The following MPHOSPH8 variants were observed in gnomAD, a reference collection of about 807,000 sequenced individuals.
The protein encoded by MPHOSPH8 is M-phase phosphoprotein, mpp.
A neutral mutation model predicts 87.3 loss-of-function variants in MPHOSPH8; 45 were observed. The observed-to-expected ratio is 0.52, with a 90% confidence interval of 0.41 to 0.66. The LOEUF (loss-of-function observed/expected upper bound fraction) is 0.66. MPHOSPH8 is among the 30% of genes least tolerant of loss of function. The probability of loss-of-function intolerance (pLI) is 0.00; values close to 1 mark genes in which losing one functional copy is unlikely to be tolerated. For synonymous variants in MPHOSPH8, 366 were observed against 376.9 expected (o/e 0.97, Z 0.33); for missense variants, 883 against 1,020.2 (o/e 0.87, Z 1.83).
intron 5 of MPHOSPH8, among the ~76,000 whole-genome samples, chr13:19,655,389 G>A (rs994045963): frequency 1.3e-5 from 2 of 152,104 alleles, no homozygotes; most frequent in Admixed American, 1.3e-4. Context: ...GACCACTTGA[G>A]CCCGGAAGTT....
chr13:19,635,735 C>G lies in MPHOSPH8; in HGVS notation c.213+1774C>G, dbSNP rs116534439. 9.5e-3 allele frequency among the ~76,000 whole-genome samples: 1,440 copies of G among 152,234 alleles called. 21 individuals are homozygous for G. The highest frequency in any genetic ancestry group is 0.033 in the African/African-American group (1,373 of 41,522). ...TTGTGAGTTAAAATTCAAGTTCTTG[C>G]ATTTTTAGGTGCTCTTGTGAAGGAG... On this transcript the variant is annotated intron_variant, in intron 1 of 13. Coordinates refer to ENST00000361479, the MANE Select transcript of MPHOSPH8 (RefSeq NM_017520.4).
chr13:19,635,921 G>A (rs1873982742), intron 1 of MPHOSPH8, among the ~76,000 whole-genome samples: 1 of 152,162 alleles, frequency 6.6e-6, no homozygotes, highest in Admixed American at 6.5e-5. Flanking sequence ...TAGTGAGTGA[G>A]TCTCAATCTG....
chr13:19,647,800 A>G (rs1874646622), intron 3 of MPHOSPH8, among the ~76,000 whole-genome samples: 1 of 152,176 alleles, frequency 6.6e-6, no homozygotes, highest in Non-Finnish European at 1.5e-5. Flanking sequence ...TATATATGCA[A>G]TATTTATCAA....
At chr13:19,635,010 C>T (rs896830953) in intron 1 of MPHOSPH8, among the ~76,000 whole-genome samples, 1 of 152,168 alleles carries the variant, frequency 6.6e-6, no homozygotes, top group East Asian at 1.9e-4. Flanking sequence ...TTGAAGCATA[C>T]ACAGTTGCTA....
At chr13:19,645,142 G>A (rs1874499322) in intron 2 of MPHOSPH8, among the ~76,000 whole-genome samples, 2 of 152,088 alleles carry the variant, frequency 1.3e-5, no homozygotes, top group South Asian at 2.1e-4. Flanking sequence ...CCCCTTCTCC[G>A]CCTTGCCCAG....
At chr13:19,663,557 G>A (rs977798275) in intron 9 of MPHOSPH8, among the ~76,000 whole-genome samples, 7 of 152,188 alleles carry the variant, frequency 4.6e-5, no homozygotes, top group Admixed American at 3.9e-4. Flanking sequence ...CTGTGTGTTC[G>A]TCATTTTATG....
At chr13:19,662,366 C>G (rs531243213) in intron 8 of MPHOSPH8, among the ~76,000 whole-genome samples, 5 of 152,186 alleles carry the variant, frequency 3.3e-5, no homozygotes, top group African/African-American at 1.2e-4. Context: ...CTCAAGCAAT[C>G]CTCTCGCCTC....
At chr13:19,670,845 G>C in intron 12 of MPHOSPH8, 1 of 1,151,822 alleles carries the variant, frequency 8.7e-7, no homozygotes, top group Non-Finnish European at 1.1e-6. Context: ...TGAAGACAGG[G>C]TCTCGCTCTG....
At chr13:19,662,653 T>A (rs1163950053) in intron 8 of MPHOSPH8, among the ~76,000 whole-genome samples, 1 of 152,270 alleles carries the variant, frequency 6.6e-6, no homozygotes, top group Non-Finnish European at 1.5e-5. Context: ...TTGGAAGTAA[T>A]TTATATTAAA....
chr13:19,668,631 A>ATT, intron 11 of MPHOSPH8, 100 bp downstream of exon 11: 1 of 1,290,568 alleles, frequency 7.7e-7, no homozygotes, highest in Non-Finnish European at 1.1e-6. Flanking sequence ...CTTTAAGGAA[A>ATT]TTCCATTACG....
intron 1 of MPHOSPH8, among the ~76,000 whole-genome samples, chr13:19,637,714 A>G (rs1874081433): frequency 1.3e-5 from 2 of 152,086 alleles, no homozygotes; most frequent in Non-Finnish European, 2.9e-5. Context: ...TCCCCCATTC[A>G]TGCAAGCTAA....
Position 19,668,469 on chromosome 13 carries a change from T to G in MPHOSPH8, c.2267T>G (p.Leu756Arg). 2.5e-6 allele frequency: 4 copies of G among 1,614,190 alleles called. No homozygotes were observed. Among genetic ancestry groups the G allele is most frequent in the Non-Finnish European group, 3.4e-6 (4 of 1,180,016 alleles). ...EPVFPIACHR[L>R]CEGPDFSTDF... ...GTTTTTCCAATCGCATGTCATCGAC[T>G]CTGTGAGGGTCCAGATTTTTCAACA... Residue 756 changes from leucine (L) to arginine (R), a missense_variant, in exon 11 of 14, where the codon CTC becomes CGC. Transcript: ENST00000361479.
chr13:19,655,472 A>AC (rs1875106997), intron 5 of MPHOSPH8, among the ~76,000 whole-genome samples: 1 of 151,838 alleles, frequency 6.6e-6, no homozygotes, highest in African/African-American at 2.4e-5. Context: ...TGTCTCAAAA[A>AC]CACCACCACC....
chr13:19,635,533 AAAT>A (rs923712419), intron 1 of MPHOSPH8, among the ~76,000 whole-genome samples: 3 of 152,204 alleles, frequency 2.0e-5, no homozygotes, highest in Admixed American at 6.5e-5. Flanking sequence ...GTCTCAAAAA[AAAT>A]AATAATAATT....
chr13:19,660,878 G>T, intron 7 of MPHOSPH8: 5 of 967,038 alleles, frequency 5.2e-6, no homozygotes, highest in Non-Finnish European at 6.1e-6. Flanking sequence ...AAATTTGATC[G>T]TATGCCCCCC....
intron 12 of MPHOSPH8, chr13:19,670,814 A>C (rs1450085837): frequency 1.7e-6 from 2 of 1,202,144 alleles, no homozygotes; most frequent in South Asian, 2.9e-5. Context: ...AGGGAAAAAT[A>C]AATCACTTTT....
rs1254109002 is a variant in MPHOSPH8 at position 19,668,412 on chromosome 13, A to G, written c.2210A>G (p.Tyr737Cys). 5.6e-6 allele frequency: 9 copies of G among 1,613,922 alleles called. No individual in the cohort carries two copies. Among genetic ancestry groups the G allele is most frequent in the East Asian group, 2.2e-5 (1 of 44,896 alleles). The change falls in exon 11 of 14, where the codon TAC (tyrosine) becomes TGC (cysteine). Residue 737 changes from tyrosine to cysteine, a missense_variant. Physicochemically the swap from Tyr to Cys is radical, Grantham distance 194. Transcript: ENST00000361479. ...GTAGCAGAAGAGACAATAAAGGATT[A>G]CTTTGAAGCTCGCCTTGCTCTGCTA... ...SRVAEETIKDYFEARLALLEP... is the reference protein window; with the variant it reads ...SRVAEETIKDCFEARLALLEP...
At position 19,646,916 on chromosome 13, in the gene MPHOSPH8, G is replaced by A. The variant is rs763774518; in HGVS notation, c.843G>A (p.Gly281=). 3 of 1,601,760 alleles carry A rather than the reference G, an allele frequency of 1.9e-6. No individual in the cohort carries two copies. Among genetic ancestry groups the A allele is most frequent in the East Asian group, 2.2e-5 (1 of 44,856 alleles). ...CCTTTCCAGAGGATGACAGTGAAGG[G>A]CTACATTCCGACAGCAGAGAAGAGA... is the stretch of plus-strand genomic sequence containing the variant. ...DSPFPEDDSE[G]LHSDSREEKQ... is the part of the protein sequence containing the mutation. Residue 281 remains glycine, a synonymous_variant, in exon 3 of 14, where the codon GGG becomes GGA. Transcript: ENST00000361479.
chr13:19,642,343 T>C, intron 2 of MPHOSPH8, 73 bp downstream of exon 2: 1 of 1,230,496 alleles, frequency 8.1e-7, no homozygotes, highest in Non-Finnish European at 1.1e-6. Context: ...AAAGTATGTG[T>C]AGTAAATGAT....
Sources: gnomAD v4.1 joint callset for allele counts (sites outside exome capture counted in the v4.1 genomes callset) on GRCh38, gnomAD v4.1.1 for gene constraint, MANE v1.5 for transcripts, NCBI Gene and HGNC (gene_info 2026-07-23, HGNC 2026-07-21) for gene names.